The following BAIAP2L1 variants were observed in gnomAD, a reference collection of about 807,000 sequenced individuals.
BAIAP2L1 encodes BAR/IMD domain containing adaptor protein 2 like 1.
BAIAP2L1 carries 35 observed loss-of-function variants against 66.3 expected under a neutral mutation model. The observed-to-expected ratio is 0.53, with a 90% CI of 0.40 to 0.70. BAIAP2L1 has a LOEUF of 0.70. Ranked by LOEUF, BAIAP2L1 falls within the 30% of genes least tolerant of loss-of-function variation. BAIAP2L1 has a pLI of 0.00. For missense variants in BAIAP2L1, 622 were observed against 656.9 expected (o/e 0.95, Z 0.58); for synonymous variants, 269 against 248.7 (o/e 1.08, Z -0.77).
intron 3 of BAIAP2L1, among the ~76,000 whole-genome samples, chr7:98,343,299 A>T (rs1801792186): frequency 6.6e-6 from 1 of 150,694 alleles, no homozygotes; most frequent in African/African-American, 2.4e-5. Context: ...ACACACACAC[A>T]CACTAGCTGG....
At chr7:98,334,639 G>C (rs1192556300) in intron 3 of BAIAP2L1, among the ~76,000 whole-genome samples, 1 of 151,826 alleles carries the variant, frequency 6.6e-6, no homozygotes, top group East Asian at 2.0e-4. Flanking sequence ...CTGCCTCCTA[G>C]GTTCGAGCAA....
At chr7:98,385,968 G>A in intron 1 of BAIAP2L1, 1 of 1,489,186 alleles carries the variant, frequency 6.7e-7, no homozygotes, top group South Asian at 1.1e-5. Context: ...AGACATCATG[G>A]AGAGGATAAA....
At chr7:98,342,066 T>TA (rs1801754642) in intron 3 of BAIAP2L1, among the ~76,000 whole-genome samples, 1 of 104,618 alleles carries the variant, frequency 9.6e-6, no homozygotes, top group Admixed American at 1.1e-4. Context: ...TTTTTTTTTT[T>TA]ATAAAGACAG....
intron 1 of BAIAP2L1, among the ~76,000 whole-genome samples, chr7:98,375,356 T>C (rs972514359): frequency 1.3e-5 from 2 of 148,516 alleles, no homozygotes; most frequent in African/African-American, 5.0e-5. Flanking sequence ...ATCCGGCCAC[T>C]GCACTCCAGC....
intron 1 of BAIAP2L1, among the ~76,000 whole-genome samples, chr7:98,368,581 C>G (rs137959147): frequency 1.2e-3 from 189 of 152,160 alleles, no homozygotes; most frequent in African/African-American, 3.4e-3. Context: ...ATCCCAGCTA[C>G]TTGGGGGGCT....
At chr7:98,380,829 C>T (rs143776372) in intron 1 of BAIAP2L1, among the ~76,000 whole-genome samples, 1,707 of 150,948 alleles carry the variant, frequency 0.011, 23 homozygotes, top group East Asian at 0.036. Context: ...CCAACCCCCG[C>T]CCCACCCCTT....
intron 2 of BAIAP2L1, among the ~76,000 whole-genome samples, chr7:98,355,931 G>T (rs1802109644): frequency 6.6e-6 from 1 of 152,060 alleles, no homozygotes; most frequent in Non-Finnish European, 1.5e-5. Context: ...CCTATTTGTT[G>T]CCAGGAGAGA....
intron 1 of BAIAP2L1, among the ~76,000 whole-genome samples, chr7:98,389,047 A>C (rs1400557780): frequency 6.6e-6 from 1 of 151,968 alleles, no homozygotes; most frequent in Non-Finnish European, 1.5e-5. Flanking sequence ...AGGAATTATC[A>C]TTGTGACTTT....
intron 9 of BAIAP2L1, chr7:98,310,060 A>C (rs1800812820): frequency 5.8e-6 from 1 of 171,434 alleles, no homozygotes; most frequent in Non-Finnish European, 1.2e-5. Context: ...CATGTTGGCC[A>C]GGCTGGTCTC....
chr7:98,374,108 C>T (rs1802569635), intron 1 of BAIAP2L1, among the ~76,000 whole-genome samples: 1 of 151,836 alleles, frequency 6.6e-6, no homozygotes, highest in Non-Finnish European at 1.5e-5. Flanking sequence ...CAAACCATAT[C>T]CGACTAATTT....
chr7:98,337,477 C>T (rs1396631899), intron 3 of BAIAP2L1, among the ~76,000 whole-genome samples: 3 of 152,208 alleles, frequency 2.0e-5, no homozygotes, highest in African/African-American at 7.2e-5. Context: ...GTGATCCACC[C>T]ACCTTGGCCT....
At chr7:98,331,627 C>A (rs140831599) in intron 3 of BAIAP2L1, among the ~76,000 whole-genome samples, 138 of 152,122 alleles carry the variant, frequency 9.1e-4, no homozygotes, top group African/African-American at 3.3e-3. Flanking sequence ...CACCACCACA[C>A]CCAGCTAATT....
chr7:98,330,066 A>G (rs1011117609), intron 3 of BAIAP2L1, among the ~76,000 whole-genome samples: 11 of 152,168 alleles, frequency 7.2e-5, no homozygotes, highest in Admixed American at 2.0e-4. Flanking sequence ...GATAAACATA[A>G]ATCCTCACAC....
At chr7:98,397,746 A>C (rs1471748721) in intron 1 of BAIAP2L1, among the ~76,000 whole-genome samples, 1 of 152,208 alleles carries the variant, frequency 6.6e-6, no homozygotes, top group South Asian at 2.1e-4. Flanking sequence ...GCAAAATCAC[A>C]GCAAGCTTTT....
At chr7:98,359,564 C>T (rs776579245) in intron 2 of BAIAP2L1, among the ~76,000 whole-genome samples, 3 of 152,104 alleles carry the variant, frequency 2.0e-5, no homozygotes, top group Non-Finnish European at 4.4e-5. Flanking sequence ...AGCCATCGCG[C>T]CCGGCCGACT....
intron 1 of BAIAP2L1, among the ~76,000 whole-genome samples, chr7:98,381,479 G>A (rs1210324968): frequency 2.6e-5 from 4 of 152,142 alleles, no homozygotes; most frequent in African/African-American, 9.7e-5. Flanking sequence ...CTAGCAACGT[G>A]GCCTGAGCCT....
At chr7:98,372,735 T>G (rs1240514026) in intron 1 of BAIAP2L1, among the ~76,000 whole-genome samples, 17 of 8,890 alleles carry the variant, frequency 1.9e-3, no homozygotes, top group Non-Finnish European at 5.1e-3. Context: ...CGATTTTGGT[T>G]TTTTTTTTTT....
intron 3 of BAIAP2L1, among the ~76,000 whole-genome samples, chr7:98,353,430 T>A (rs1167111903): frequency 1.2e-4 from 16 of 137,004 alleles, no homozygotes; most frequent in Admixed American, 9.9e-4. Flanking sequence ...TATATTTATA[T>A]TATATATAAA....
At chr7:98,336,254 T>C (rs35997266) in intron 3 of BAIAP2L1, among the ~76,000 whole-genome samples, 57,808 of 151,988 alleles carry the variant, frequency 0.38, 12,484 homozygotes, top group Middle Eastern at 0.54. Context: ...TCACATGATA[T>C]ACCCAGGTAA....
Sources: gnomAD v4.1 joint callset for allele counts (sites outside exome capture counted in the v4.1 genomes callset) on GRCh38, gnomAD v4.1.1 for gene constraint, MANE v1.5 for transcripts, NCBI Gene and HGNC (gene_info 2026-07-23, HGNC 2026-07-21) for gene names.